Variants in PAX1 observed in about 807,000 individuals in gnomAD.
The protein encoded by PAX1 is paired box protein Pax-1.
A neutral mutation model predicts 35.6 loss-of-function variants in PAX1; 18 were observed. The ratio of observed to expected loss-of-function variants is 0.50; its 90% CI spans 0.35 to 0.75. The LOEUF (loss-of-function observed/expected upper bound fraction) is 0.75, where lower values mean the gene tolerates loss of function less well. PAX1 is among the 30% of genes least tolerant of loss of function. The probability of loss-of-function intolerance (pLI) is 0.01; values close to 1 mark genes in which losing one functional copy is unlikely to be tolerated. For missense variants in PAX1, 760 were observed against 661.5 expected (o/e 1.15, Z -1.63); for synonymous variants, 397 against 305.2 (o/e 1.30, Z -3.14).
Position 21,708,479 on chromosome 20 carries a change from T to C in PAX1, c.917-79T>C, listed in dbSNP as rs116287563. 6,298 of 1,555,532 alleles carry C rather than the reference T, an allele frequency of 4.0e-3. 237 individuals are homozygous for C. The African/African-American group carries it at 0.075, about 19-fold the overall frequency. ...TGGGACCCCTGGCCGTGTCTTCAGA[T>C]ACAAATTGGGTGGTTGGCCACACGT... On this transcript the variant is annotated intron_variant, in intron 2 of 4. Transcript: ENST00000613128.
chr20:21,709,820 C>T (rs1463598555), intron 4 of PAX1, among the ~76,000 whole-genome samples: 1 of 152,012 alleles, frequency 6.6e-6, no homozygotes, highest in African/African-American at 2.4e-5. Flanking sequence ...CTAGCAGGCA[C>T]CCTCCAGGCT....
rs548505195 is a variant in PAX1, at chr20:21,714,699, G to A, written c.*137G>A. On this transcript the variant is annotated 3_prime_UTR_variant, in exon 5 of 5. Transcript: ENST00000613128. ...GGAGGAAGCCAGTGCCGGCCCGCGG[G>A]GTGCACGCCCAGCCAGCCCCCAGGC... is the stretch of plus-strand genomic sequence containing the variant. 2.0e-5 allele frequency: 32 copies of A among 1,606,186 alleles called. 1 individual carries two copies. The South Asian group carries it at 2.9e-4, about 14-fold the overall frequency.
intron 3 of PAX1, 68 bp downstream of exon 3, chr20:21,708,768 AAG>A (rs1224539172): frequency 1.3e-6 from 2 of 1,536,530 alleles, no homozygotes; most frequent in African/African-American, 1.4e-5. Context: ...AGTGGGGAAA[AAG>A]AGAGAGAAAG....
chr20:21,716,480 T>C lies in PAX1; in HGVS notation c.*1918T>C, dbSNP rs1985375308. 6.6e-6 allele frequency: 1 copy of C among 151,742 alleles called. No individual in the cohort carries two copies. The highest frequency in any genetic ancestry group is 6.6e-5 in the Admixed American group (1 of 15,256). 9.4% of individuals were successfully genotyped at this position (151,742 alleles called of 1,614,324 possible). A position where few individuals can be genotyped will look rare whatever the true frequency, so the allele number is the denominator to read the frequency against. ...ACTTACTTTTTTCCTAGAGAGACTC[T>C]TCTTCTCAGATTCAAAGTCTCTTGT... On this transcript the variant is annotated 3_prime_UTR_variant, in exon 5 of 5. Transcript: ENST00000613128.
rs17861047 is a variant in PAX1 at position 21,712,458 on chromosome 20, T to C, written c.1283-2013T>C. Among the ~76,000 whole-genome samples, 11 of 152,262 alleles carry C rather than the reference T, an allele frequency of 7.2e-5. No homozygotes were observed. In the East Asian group the frequency reaches 1.2e-3, roughly 16 times the overall value. Reference sequence around the variant, plus strand: ...CCACCCACATCCAAATGTCTTTTCATAGCCAGGGCACGACCATCTCCCCTT... The same window carrying C: ...CCACCCACATCCAAATGTCTTTTCACAGCCAGGGCACGACCATCTCCCCTT... On this transcript the variant is annotated intron_variant, in intron 4 of 4. Transcript: ENST00000613128.
Position 21,706,494 on chromosome 20 carries a change from C to T in PAX1, c.343C>T (p.Leu115=), listed in dbSNP as rs757933964. The change falls in exon 2 of 5, where the codon CTG becomes TTG. Residue 115 remains leucine (L), a synonymous_variant. Coordinates refer to ENST00000613128, the MANE Select transcript of PAX1 (RefSeq NM_001257096.2). The surrounding 1 kb of genome is among the most constrained non-coding windows in gnomAD (Gnocchi z 5.3). ...CGGTGTGTTCGTCAACGGCCGCCCC[C>T]TGCCCAACGCCATCCGCTTGCGCAT... ...LGGVFVNGRP[L]PNAIRLRIVE... The T allele has an allele frequency of 1.9e-6, 3 of 1,611,746 alleles. No homozygotes were observed. The highest frequency in any genetic ancestry group is 1.3e-5 in the African/African-American group (1 of 74,956).
chr20:21,713,954 C>T (rs1447492659), intron 4 of PAX1, among the ~76,000 whole-genome samples: 1 of 152,244 alleles, frequency 6.6e-6, no homozygotes, highest in African/African-American at 2.4e-5. Context: ...GGCTCATTTC[C>T]CGCAAGATTT....
rs758672938 is a variant in PAX1, at chr20:21,714,683, C to T, written c.*121C>T. 2 of 1,605,820 alleles carry T rather than the reference C, an allele frequency of 1.2e-6. No individual in the cohort carries two copies. Among genetic ancestry groups the T allele is most frequent in the East Asian group, 2.2e-5 (1 of 44,812 alleles). The stretch of plus-strand genomic sequence containing the variant: ...TCGGAGGACTCGCGGAGGAGGAAGC[C>T]AGTGCCGGCCCGCGGGGTGCACGCC... On this transcript the variant is annotated 3_prime_UTR_variant, in exon 5 of 5. Coordinates refer to ENST00000613128, the MANE Select transcript of PAX1 (RefSeq NM_001257096.2).
In PAX1 at chr20:21,714,653, C is replaced by A. The variant is rs1478551416; in HGVS notation, c.*91C>A. 2 of 1,596,098 alleles carry A rather than the reference C, an allele frequency of 1.3e-6. No homozygotes were observed. Among genetic ancestry groups the A allele is most frequent in the Non-Finnish European group, 1.7e-6 (2 of 1,174,192 alleles). ...CGGCGGCCCCGGCAATCGGCACGGG[C>A]AGGATCGGAGGACTCGCGGAGGAGG... On this transcript the variant is annotated 3_prime_UTR_variant, in exon 5 of 5. Transcript: ENST00000613128.
At position 21,706,672 on chromosome 20, in the gene PAX1, C is replaced by A; in HGVS notation, c.521C>A (p.Thr174Asn). ...GGGGGGAGCAAGCCCCGCGTCACCA[C>A]TCCCAACGTGGTCAAGCACATCCGG... The part of the protein sequence containing the change: ...AIGGSKPRVT[T>N]PNVVKHIRDY... The change falls in exon 2 of 5, where the codon ACT becomes AAT. Residue 174 changes from threonine to asparagine, a missense_variant. Around this residue, in one of 3 missense-constraint regions of PAX1, gnomAD observed 490 missense variants for 428.4 expected, o/e 1.14. Coordinates refer to ENST00000613128, the MANE Select transcript of PAX1 (RefSeq NM_001257096.2). The surrounding 1 kb of genome is among the most constrained non-coding windows in gnomAD (Gnocchi z 5.3). The A allele has an allele frequency of 6.2e-7, 1 of 1,612,934 alleles. No individual in the cohort carries two copies. Among genetic ancestry groups the A allele is most frequent in the Non-Finnish European group, 8.5e-7 (1 of 1,180,038 alleles).
rs1198631653 is a variant in PAX1, at chr20:21,715,653, C to T, written c.*1091C>T. ...GGAATCCGACCAGTGGTAAACACATCAGCACTTTTTGGTGTTCAGGGGTCA... is the reference window on the plus strand; with the variant it reads ...GGAATCCGACCAGTGGTAAACACATTAGCACTTTTTGGTGTTCAGGGGTCA... On this transcript the variant is annotated 3_prime_UTR_variant, in exon 5 of 5. Coordinates refer to ENST00000613128, the MANE Select transcript of PAX1 (RefSeq NM_001257096.2). 6.6e-6 allele frequency: 1 copy of T among 152,256 alleles called. No homozygotes were observed. Among genetic ancestry groups the T allele is most frequent in the East Asian group, 1.9e-4 (1 of 5,190 alleles). 9.4% of individuals were successfully genotyped at this position (152,256 alleles called of 1,614,324 possible). A position where few individuals can be genotyped will look rare whatever the true frequency, so the allele number is the denominator to read the frequency against.
In PAX1 at chr20:21,706,940, G is replaced by A. The variant is rs1195124818; in HGVS notation, c.789G>A (p.Thr263=). 1.2e-6 allele frequency: 2 copies of A among 1,612,496 alleles called. No homozygotes were observed. The highest frequency in any genetic ancestry group is 1.7e-6 in the Non-Finnish European group (2 of 1,179,520). ...QYPYPSPVSP[T]GAKMGSHPGV... ...CCTACCCCAGTCCCGTGTCGCCCAC[G>A]GGCGCCAAGATGGGCAGCCACCCCG... The change falls in exon 2 of 5, where the codon ACG becomes ACA. Residue 263 remains threonine (T), a synonymous_variant. Transcript: ENST00000613128. This position sits in a 1 kb window ranked among gnomAD's most constrained non-coding sequence, Gnocchi z 5.3.
At position 21,715,758 on chromosome 20, in the gene PAX1, T is replaced by C. The variant is rs1385860227; in HGVS notation, c.*1196T>C. 6.6e-6 allele frequency: 1 copy of C among 152,438 alleles called. No individual in the cohort carries two copies. Among genetic ancestry groups the C allele is most frequent in the Non-Finnish European group, 1.5e-5 (1 of 68,530 alleles). 9.4% of individuals were successfully genotyped at this position (152,438 alleles called of 1,614,324 possible). A position where few individuals can be genotyped will look rare whatever the true frequency, so the allele number is the denominator to read the frequency against. ...ACTTCTGGTTTGCAAGGGATGAGGG[T>C]TAAAAAAAACAAAACAAAACAAACA... On this transcript the variant is annotated 3_prime_UTR_variant, in exon 5 of 5. Transcript: ENST00000613128.
chr20:21,706,248 T>A lies in PAX1; in HGVS notation c.287-190T>A. 1 of 838,922 alleles carries A rather than the reference T, an allele frequency of 1.2e-6. No homozygotes were observed. The highest frequency in any genetic ancestry group is 2.0e-6 in the Non-Finnish European group (1 of 508,624). The allele number at this position is 838,922 out of a possible 1,614,324, so 52.0% of individuals were successfully genotyped here. A position where few individuals can be genotyped will look rare whatever the true frequency, so the allele number is the denominator to read the frequency against. On this transcript the variant is annotated intron_variant, in intron 1 of 4. Transcript: ENST00000613128. This position sits in a 1 kb window ranked among gnomAD's most constrained non-coding sequence, Gnocchi z 5.3. ...AATGCGCCGCGCTCCACTCCGCGGC[T>A]CCTCTGCGCCCTTGCCCACTCCAAG...
At chr20:21,711,383 G>A (rs1985195780) in intron 4 of PAX1, among the ~76,000 whole-genome samples, 1 of 152,224 alleles carries the variant, frequency 6.6e-6, no homozygotes, top group Admixed American at 6.5e-5. Context: ...AATTTGTGGT[G>A]GAAGTTGCGG....
intron 4 of PAX1, among the ~76,000 whole-genome samples, chr20:21,710,464 A>G (rs1985164868): frequency 6.6e-6 from 1 of 152,220 alleles, no homozygotes; most frequent in African/African-American, 2.4e-5. Context: ...CAGCAGAGAA[A>G]GAGACAAGGC....
At chr20:21,708,323 G>C (rs570650661) in intron 2 of PAX1, 8 of 635,456 alleles carry the variant, frequency 1.3e-5, no homozygotes, top group Non-Finnish European at 2.3e-5. Flanking sequence ...CCTCCCGTTC[G>C]TGGGAAACCG....
At chr20:21,713,007 G>A (rs931314139) in intron 4 of PAX1, among the ~76,000 whole-genome samples, 1 of 152,252 alleles carries the variant, frequency 6.6e-6, no homozygotes, top group East Asian at 1.9e-4. Context: ...TGGAGGGAAT[G>A]GAGGGCAGGA....
rs2122133914 is a variant in PAX1, at chr20:21,706,820, C to T, written c.669C>T (p.Asn223=). 5.0e-6 allele frequency: 8 copies of T among 1,613,646 alleles called. No homozygotes were observed. Among genetic ancestry groups the T allele is most frequent in the Non-Finnish European group, 5.9e-6 (7 of 1,180,036 alleles). The change falls in exon 2 of 5, where the codon AAC becomes AAT. Residue 223 remains asparagine, a synonymous_variant. Coordinates refer to ENST00000613128, the MANE Select transcript of PAX1 (RefSeq NM_001257096.2). The surrounding 1 kb of genome is among the most constrained non-coding windows in gnomAD (Gnocchi z 5.3). ...GCTCCATCAGCCGCATCCTGCGCAA[C>T]AAGATCGGCAGCCTGGCGCAGCCCG... ...SVSSISRILR[N]KIGSLAQPGP... is the part of the protein sequence containing the mutation.
Sources: allele counts gnomAD v4.1 joint callset (sites outside exome capture counted in the v4.1 genomes callset), GRCh38; gene constraint gnomAD v4.1.1; regional missense constraint gnomAD v4.1.1; non-coding constraint Gnocchi (gnomAD v3.1); transcripts MANE v1.5; gene names NCBI Gene and HGNC (gene_info 2026-07-23, HGNC 2026-07-21).